The following ABCC9 variants were observed in gnomAD, a reference collection of about 807,000 sequenced individuals.
ABCC9 encodes ATP-binding cassette sub-family C member 9.
A neutral mutation model predicts 188.3 loss-of-function variants in ABCC9; 95 were observed. The ratio of observed to expected loss-of-function variants is 0.50; its 90% CI spans 0.43 to 0.60. The LOEUF (loss-of-function observed/expected upper bound fraction) is 0.60. Ranked by LOEUF, ABCC9 falls within the 20% of genes least tolerant of loss-of-function variation. The pLI is 0.00. For synonymous variants in ABCC9, 659 were observed against 652.7 expected (o/e 1.01, Z -0.15); for missense variants, 1,102 against 1,876.3 (o/e 0.59, Z 7.62).
intron 31 of ABCC9, chr12:21,828,714 G>A (rs1943536121): frequency 2.0e-6 from 1 of 496,396 alleles, no homozygotes. Context: ...ATTAACTTAT[G>A]TGATCTAGAA....
chr12:21,845,632 T>C lies in ABCC9; in HGVS notation c.3067A>G (p.Ser1023Gly). Residue 1023 changes from serine (S) to glycine (G), a missense_variant, in exon 26 of 40, where the codon AGT becomes GGT. Transcript: ENST00000261200. The stretch of plus-strand genomic sequence containing the variant: ...TCAGCTTTTCCAGTATTGTTTATAC[T>C]GTACTCCGATGTCCATGTGGCCAGC... ...YWLATWTSEY[S>G]INNTGKADQT... The C allele has an allele frequency of 6.2e-7, 1 of 1,613,766 alleles. No individual in the cohort carries two copies. Among genetic ancestry groups the C allele is most frequent in the Non-Finnish European group, 8.5e-7 (1 of 1,179,738 alleles).
chr12:21,917,231 T>C (rs1948634063), intron 5 of ABCC9, 128 bp from the exon 6 acceptor site: 2 of 987,346 alleles, frequency 2.0e-6, no homozygotes, highest in Admixed American at 2.1e-5. Flanking sequence ...ATGGTTTTAC[T>C]TGGTAAGAAA....
chr12:21,847,996 T>G (rs536608667), intron 25 of ABCC9, among the ~76,000 whole-genome samples, 154 bp downstream of exon 25: 16 of 152,320 alleles, frequency 1.1e-4, no homozygotes, highest in Middle Eastern at 6.8e-3. Flanking sequence ...CCACCTTTCC[T>G]TGACTCCTAT....
chr12:21,906,866 C>T (rs1948071849), intron 11 of ABCC9, among the ~76,000 whole-genome samples: 1 of 151,962 alleles, frequency 6.6e-6, no homozygotes, highest in African/African-American at 2.4e-5. Flanking sequence ...TTGGGTAAGG[C>T]TTAAGTTAGA....
intron 12 of ABCC9, among the ~76,000 whole-genome samples, chr12:21,898,978 A>G (rs1023880097): frequency 6.6e-6 from 1 of 152,158 alleles, no homozygotes; most frequent in East Asian, 1.9e-4. Flanking sequence ...TTTCTTGACA[A>G]TCTTCAAGAA....
At chr12:21,928,134 C>A (rs117769801) in intron 4 of ABCC9, among the ~76,000 whole-genome samples, 445 of 151,538 alleles carry the variant, frequency 2.9e-3, no homozygotes, top group Non-Finnish European at 5.4e-3. Context: ...GCAGGAGGAT[C>A]GCTTGGACCT....
At chr12:21,823,333 C>T (rs1468869600) in intron 31 of ABCC9, among the ~76,000 whole-genome samples, 1 of 152,180 alleles carries the variant, frequency 6.6e-6, no homozygotes, top group Non-Finnish European at 1.5e-5. Context: ...CTCTATAAGG[C>T]AGCCTTGTAA....
intron 9 of ABCC9, 36 bp from the exon 10 acceptor site, chr12:21,910,348 A>G: frequency 6.5e-7 from 1 of 1,542,318 alleles, no homozygotes; most frequent in Non-Finnish European, 8.8e-7. Context: ...ATAAAGCTCT[A>G]AACTTAAAAT....
chr12:21,803,679 T>A (rs948811165), intron 39 of ABCC9, among the ~76,000 whole-genome samples: 3 of 150,808 alleles, frequency 2.0e-5, no homozygotes, highest in African/African-American at 4.9e-5. Context: ...AAAAAAACAT[T>A]GAAAAATCTT....
chr12:21,868,394 C>T (rs1945888108), intron 18 of ABCC9, among the ~76,000 whole-genome samples: 1 of 152,182 alleles, frequency 6.6e-6, no homozygotes, highest in Admixed American at 6.5e-5. Flanking sequence ...AATCCCAACA[C>T]TTTGGGAGGC....
At chr12:21,828,915 T>A in intron 31 of ABCC9, 43 bp downstream of exon 31, 1 of 1,513,068 alleles carries the variant, frequency 6.6e-7, no homozygotes, top group Non-Finnish European at 9.2e-7. Flanking sequence ...AGCAGGCGTC[T>A]TCTCTATTTG....
rs191743179 is a variant in ABCC9, at chr12:21,829,393, A to G, written c.3567-333T>C. Among the ~76,000 whole-genome samples, 4,125 of 151,668 alleles carry G rather than the reference A, an allele frequency of 0.027. 188 individuals carry two copies. Among genetic ancestry groups the G allele is most frequent in the African/African-American group, 0.087 (3,616 of 41,366 alleles). On this transcript the variant is annotated intron_variant, in intron 30 of 39. Transcript: ENST00000261200. ...ATTTTTTGTATTTTTAGTAGAGACG[A>G]GGTTTCACCGTGTTAGCCAGGATGG...
intron 18 of ABCC9, among the ~76,000 whole-genome samples, chr12:21,866,272 C>T (rs1468375394): frequency 6.6e-6 from 1 of 152,000 alleles, no homozygotes; most frequent in Non-Finnish European, 1.5e-5. Flanking sequence ...TAAAAGAAAA[C>T]TACTGAAAAA....
chr12:21,802,922 G>A (rs943303932), intron 39 of ABCC9, among the ~76,000 whole-genome samples: 21 of 151,998 alleles, frequency 1.4e-4, no homozygotes, highest in African/African-American at 4.8e-4. Context: ...ATGACGTGAG[G>A]GGAAAAGAAA....
At chr12:21,844,742 G>T (rs574943307) in intron 27 of ABCC9, 25 bp downstream of exon 27, 3 of 1,612,502 alleles carry the variant, frequency 1.9e-6, no homozygotes, top group Non-Finnish European at 2.5e-6. Flanking sequence ...TTATGTGTGG[G>T]AGTGAGAAAT....
At chr12:21,815,946 T>C (rs1942586065) in intron 33 of ABCC9, 53 bp from the exon 34 acceptor site, 3 of 1,501,906 alleles carry the variant, frequency 2.0e-6, no homozygotes, top group Non-Finnish European at 2.8e-6. Context: ...GAGATTGATG[T>C]AGAAAGAAAT....
intron 24 of ABCC9, among the ~76,000 whole-genome samples, chr12:21,850,275 A>T (rs1274553652): frequency 2.6e-5 from 4 of 152,008 alleles, no homozygotes; most frequent in African/African-American, 4.8e-5. Flanking sequence ...GTCCTGTCCC[A>T]TAACAAAGTA....
intron 18 of ABCC9, among the ~76,000 whole-genome samples, chr12:21,872,368 T>C (rs1485502195): frequency 6.6e-6 from 1 of 152,244 alleles, no homozygotes. Flanking sequence ...TTTAAAAACC[T>C]ATCTTTACAA....
At position 21,895,738 on chromosome 12, in the gene ABCC9, G is replaced by C. The variant is rs896881394; in HGVS notation, c.1619-423C>G. ...AAAAACAAGAACTTGACATCACTTC[G>C]AGTTCTCTTTCCAGCAGTGTTATTA... On this transcript the variant is annotated intron_variant, in intron 12 of 39. Coordinates refer to ENST00000261200, the MANE Select transcript of ABCC9 (RefSeq NM_020297.4). Among the ~76,000 whole-genome samples the C allele has an allele frequency of 2.0e-5, 3 of 152,150 alleles. No individual in the cohort carries two copies. The East Asian group carries it at 5.8e-4, about 29-fold the overall frequency.
Sources: allele counts gnomAD v4.1 joint callset (sites outside exome capture counted in the v4.1 genomes callset), GRCh38; gene constraint gnomAD v4.1.1; transcripts MANE v1.5; gene names NCBI Gene and HGNC (gene_info 2026-07-23, HGNC 2026-07-21).